The following PLPPR1 variants were observed in gnomAD, a reference collection of about 807,000 sequenced individuals.
PLPPR1 encodes the protein phospholipid phosphatase related 1.
PLPPR1 carries 10 observed loss-of-function variants against 33.1 expected under a neutral mutation model. The ratio of observed to expected loss-of-function variants is 0.30; its 90% confidence interval spans 0.19 to 0.51. The LOEUF is 0.51. PLPPR1 is among the 20% of genes least tolerant of loss of function. The pLI is 0.97. For missense variants in PLPPR1, 304 were observed against 408.1 expected, an observed-to-expected ratio of 0.74 and a Z score of 2.20; for synonymous variants, 151 against 151.0, an observed-to-expected ratio of 1.00 and a Z score of 0.00.
chr9:101,261,273 T>C (rs1305973706), intron 2 of PLPPR1, among the ~76,000 whole-genome samples: 2 of 152,192 alleles, frequency 1.3e-5, no homozygotes. Context: ...CTTACTTTTA[T>C]AATATCTGTC....
intron 2 of PLPPR1, among the ~76,000 whole-genome samples, chr9:101,223,515 A>G (rs1038346289): frequency 6.6e-6 from 1 of 152,120 alleles, no homozygotes; most frequent in Non-Finnish European, 1.5e-5. Flanking sequence ...TCCCCACCCA[A>G]ATCTCATCTT....
chr9:101,030,002 T>G (rs1197210530), intron 1 of PLPPR1, among the ~76,000 whole-genome samples: 1 of 152,092 alleles, frequency 6.6e-6, no homozygotes, highest in Non-Finnish European at 1.5e-5. Flanking sequence ...CGGGTTTTTT[T>G]CCTTTCAACC....
At chr9:101,149,982 G>A (rs539345375) in intron 1 of PLPPR1, among the ~76,000 whole-genome samples, 25 of 151,886 alleles carry the variant, frequency 1.6e-4, no homozygotes, top group South Asian at 8.3e-4. Flanking sequence ...TAATATCTTC[G>A]TTTTTCTTAA....
At chr9:101,239,023 G>T (rs1827394723) in intron 2 of PLPPR1, among the ~76,000 whole-genome samples, 1 of 149,914 alleles carries the variant, frequency 6.7e-6, no homozygotes, top group Non-Finnish European at 1.5e-5. Flanking sequence ...ATATCCTCAA[G>T]GCTTACTCAT....
At chr9:101,258,429 A>C (rs1485301921) in intron 2 of PLPPR1, among the ~76,000 whole-genome samples, 2 of 152,166 alleles carry the variant, frequency 1.3e-5, no homozygotes, top group Non-Finnish European at 2.9e-5. Context: ...GGGGCTTGGC[A>C]CATGATTGGT....
chr9:101,267,511 G>A (rs1828019138), intron 2 of PLPPR1, among the ~76,000 whole-genome samples: 1 of 152,170 alleles, frequency 6.6e-6, no homozygotes, highest in Admixed American at 6.5e-5. Flanking sequence ...ACAGTCCAAA[G>A]TTGTGATTGG....
At position 101,118,854 on chromosome 9, in the gene PLPPR1, A is replaced by G. The variant is rs141608887; in HGVS notation, c.-45-66596A>G. On this transcript the variant is annotated intron_variant, in intron 1 of 7. Transcript: ENST00000374874. ...CTCCTTCCAACTGTGAAATTTCTTG[A>G]AGGCAGACCCTATGTCTTTGACTTT... Among the ~76,000 whole-genome samples the G allele has an allele frequency of 1.3e-3, 199 of 151,040 alleles. 6 individuals carry two copies. In the East Asian group the frequency reaches 0.032, roughly 24 times the overall value.
At chr9:101,270,119 T>A (rs775794535) in intron 3 of PLPPR1, 51 bp downstream of exon 3, 1 of 1,578,864 alleles carries the variant, frequency 6.3e-7, no homozygotes, top group South Asian at 1.1e-5. Flanking sequence ...CCAAGAATAT[T>A]TTCTGTCTGC....
intron 1 of PLPPR1, among the ~76,000 whole-genome samples, chr9:101,082,843 G>A (rs1272249457): frequency 6.6e-6 from 1 of 152,150 alleles, no homozygotes; most frequent in Non-Finnish European, 1.5e-5. Context: ...AAATGGGGAT[G>A]ATGTGAATGT....
At chr9:101,143,410 T>G (rs1481665558) in intron 1 of PLPPR1, among the ~76,000 whole-genome samples, 1 of 152,138 alleles carries the variant, frequency 6.6e-6, no homozygotes, top group Non-Finnish European at 1.5e-5. Context: ...TCTCAGAATG[T>G]GACTCTGTTT....
intron 1 of PLPPR1, among the ~76,000 whole-genome samples, chr9:101,138,616 C>A (rs931020117): frequency 2.0e-5 from 3 of 152,058 alleles, no homozygotes; most frequent in Non-Finnish European, 4.4e-5. Context: ...AAATTTGAAC[C>A]CCAGCCCTGG....
intron 3 of PLPPR1, among the ~76,000 whole-genome samples, chr9:101,282,144 A>G (rs1457647423): frequency 1.3e-5 from 2 of 152,202 alleles, no homozygotes; most frequent in Non-Finnish European, 2.9e-5. Flanking sequence ...TTCCTGATGA[A>G]CATAGATACA....
chr9:101,049,373 A>G (rs1472078368), intron 1 of PLPPR1, among the ~76,000 whole-genome samples: 1 of 152,222 alleles, frequency 6.6e-6, no homozygotes, highest in Non-Finnish European at 1.5e-5. Flanking sequence ...AGAGTATTAA[A>G]TAAATTGAAA....
At chr9:101,072,410 G>A (rs908848147) in intron 1 of PLPPR1, among the ~76,000 whole-genome samples, 90 of 152,224 alleles carry the variant, frequency 5.9e-4, no homozygotes, top group African/African-American at 2.1e-3. Context: ...ACTTCTGCAT[G>A]CATTCCATTA....
intron 1 of PLPPR1, among the ~76,000 whole-genome samples, chr9:101,054,331 TA>T (rs1830257395): frequency 6.6e-6 from 1 of 152,228 alleles, no homozygotes; most frequent in Non-Finnish European, 1.5e-5. Context: ...CTGAATTCTA[TA>T]ACGTAATTTT....
At chr9:101,074,069 G>C (rs1253873301) in intron 1 of PLPPR1, among the ~76,000 whole-genome samples, 1 of 152,138 alleles carries the variant, frequency 6.6e-6, no homozygotes, top group Non-Finnish European at 1.5e-5. Context: ...CCTTGCCATA[G>C]TAAAAAACTA....
intron 2 of PLPPR1, among the ~76,000 whole-genome samples, chr9:101,232,520 T>G (rs910598556): frequency 2.0e-5 from 3 of 151,606 alleles, no homozygotes; most frequent in Non-Finnish European, 2.9e-5. Context: ...AATGAAGAAA[T>G]TGGGGTTAAA....
chr9:101,319,172 C>G lies in PLPPR1; in HGVS notation c.945+1676C>G, dbSNP rs1461180869. 3.9e-5 allele frequency among the ~76,000 whole-genome samples: 6 copies of G among 152,144 alleles called. No individual in the cohort carries two copies. In the East Asian group the frequency reaches 1.2e-3, roughly 29 times the overall value. ...ATGACATCTCTCTAAGACAAACTAC[C>G]CTATGCTCTTTTTTCCCCCGCTGAG... On this transcript the variant is annotated intron_variant, in intron 7 of 7. Coordinates refer to ENST00000374874, the MANE Select transcript of PLPPR1 (RefSeq NM_207299.2).
chr9:101,028,841 C>T lies in PLPPR1; in HGVS notation c.-307C>T, dbSNP rs1211639677. 6.6e-6 allele frequency: 1 copy of T among 152,496 alleles called. No homozygotes were observed. Among genetic ancestry groups the T allele is most frequent in the Non-Finnish European group, 1.5e-5 (1 of 68,268 alleles). 9.4% of individuals were successfully genotyped at this position (152,496 alleles called of 1,614,324 possible). On this transcript the variant is annotated 5_prime_UTR_variant, in exon 1 of 8. An upstream open reading frame in the 5' UTR gains an earlier in-frame stop. Coordinates refer to ENST00000374874, the MANE Select transcript of PLPPR1 (RefSeq NM_207299.2). Reference sequence around the variant, plus strand: ...GGAAGCAGAGCGCGGGATGGGCGCCCAGCGGCATCTGTGATCCCGCGCACC... The same window carrying T: ...GGAAGCAGAGCGCGGGATGGGCGCCTAGCGGCATCTGTGATCCCGCGCACC...
Sources: allele counts gnomAD v4.1 joint callset (sites outside exome capture counted in the v4.1 genomes callset), GRCh38; gene constraint gnomAD v4.1.1; transcripts MANE v1.5; gene names NCBI Gene and HGNC (gene_info 2026-07-23, HGNC 2026-07-21).